NEURL4: variants seen among roughly 807,000 people sequenced by gnomAD.
The protein encoded by NEURL4 is neuralized-like protein 4.
A neutral mutation model predicts 148.0 loss-of-function variants in NEURL4; 45 were observed. The ratio of observed to expected loss-of-function variants is 0.30; its 90% CI spans 0.24 to 0.39. NEURL4 has a LOEUF of 0.39. Ranked by LOEUF, NEURL4 falls within the 10% of genes least tolerant of loss-of-function variation. The pLI, the probability that NEURL4 is intolerant of heterozygous loss-of-function variation, is 1.00. For synonymous variants in NEURL4, 854 were observed against 869.0 expected (o/e 0.98, Z 0.30); for missense variants, 1,776 against 2,144.0 (o/e 0.83, Z 3.39).
Position 7,323,740 on chromosome 17 carries a change from G to A in NEURL4, c.2262-17C>T, listed in dbSNP as rs776720686. On this transcript the variant is annotated splice_polypyrimidine_tract_variant and intron_variant, in intron 12 of 28. Coordinates refer to ENST00000399464, the MANE Select transcript of NEURL4 (RefSeq NM_032442.3). ...CGCAGGGCCCTGCCAGGAGACTGGC[G>A]ATCAGAGAGGCTCTACTTGCATGGC... The A allele has an allele frequency of 1.2e-5, 20 of 1,613,812 alleles. No individual in the cohort carries two copies. The highest frequency in any genetic ancestry group is 1.6e-5 in the Non-Finnish European group (19 of 1,179,904).
Position 7,317,861 on chromosome 17 carries a change from C to T in NEURL4, c.4132G>A (p.Glu1378Lys), listed in dbSNP as rs2072971604. 5 of 1,614,162 alleles carry T rather than the reference C, an allele frequency of 3.1e-6. No homozygotes were observed. The highest frequency in any genetic ancestry group is 1.7e-4 in the Middle Eastern group (1 of 6,060). ...GGCTCCCCTCTGCGCCTGTGGGCCT[C>T]GTCTCCTCGCAGCTTCCGGCAAGAC... Reference protein sequence around the residue: ...CESCRKLRGDEAHRRRGEPPR... With the variant: ...CESCRKLRGDKAHRRRGEPPR... The change falls in exon 26 of 29, where the codon GAG becomes AAG. Residue 1378 changes from glutamate to lysine, a missense_variant. Physicochemically the swap from Glu to Lys is moderately conservative, Grantham distance 56. Coordinates refer to ENST00000399464, the MANE Select transcript of NEURL4 (RefSeq NM_032442.3).
In NEURL4 at chr17:7,324,306, C is replaced by T; in HGVS notation, c.1900-36G>A. On this transcript the variant is annotated intron_variant, in intron 10 of 28. Coordinates refer to ENST00000399464, the MANE Select transcript of NEURL4 (RefSeq NM_032442.3). This position sits in a 1 kb window ranked among gnomAD's most constrained non-coding sequence, Gnocchi z 5.9. The stretch of plus-strand genomic sequence containing the variant: ...GGGGGTGCTGGAGTGAGGAGTCAGG[C>T]AGAGTTCCTGCCGGGGCTGGTCCTG... 3 of 1,613,300 alleles carry T rather than the reference C, an allele frequency of 1.9e-6. No homozygotes were observed. The highest frequency in any genetic ancestry group is 2.2e-5 in the East Asian group (1 of 44,850).
chr17:7,316,885 C>A (rs1296688223), intron 28 of NEURL4, among the ~76,000 whole-genome samples: 2 of 151,912 alleles, frequency 1.3e-5, no homozygotes, highest in African/African-American at 4.8e-5. Flanking sequence ...CCACTGCACT[C>A]CAGCCTGGGT....
chr17:7,324,008 C>T lies in NEURL4; in HGVS notation c.2067G>A (p.Val689=), dbSNP rs2073066940. 1 of 1,609,456 alleles carries T rather than the reference C, an allele frequency of 6.2e-7. No individual in the cohort carries two copies. Among genetic ancestry groups the T allele is most frequent in the Non-Finnish European group, 8.5e-7 (1 of 1,179,998 alleles). ...AQATIVDDVE[V]APVPEPLPEG... Reference sequence around the variant, plus strand: ...CAGGGAGTGGTTCAGGAACTGGAGCCACCTCTGTAAAAGTGGACATCACCC... The same window carrying T: ...CAGGGAGTGGTTCAGGAACTGGAGCTACCTCTGTAAAAGTGGACATCACCC... The change falls in exon 12 of 29, where the codon GTG becomes GTA. Residue 689 remains valine, a synonymous_variant. Coordinates refer to ENST00000399464, the MANE Select transcript of NEURL4 (RefSeq NM_032442.3). This position sits in a 1 kb window ranked among gnomAD's most constrained non-coding sequence, Gnocchi z 5.9.
At position 7,326,126 on chromosome 17, in the gene NEURL4, A is replaced by G. The variant is rs1177773903; in HGVS notation, c.1293+129T>C. 7.1e-6 allele frequency: 6 copies of G among 847,102 alleles called. No individual in the cohort carries two copies. The Admixed American group carries it at 1.4e-4, about 19-fold the overall frequency. 52.5% of individuals were successfully genotyped at this position (847,102 alleles called of 1,614,324 possible). On this transcript the variant is annotated intron_variant, in intron 6 of 28. Transcript: ENST00000399464. This position sits in a 1 kb window ranked among gnomAD's most constrained non-coding sequence, Gnocchi z 6.0. ...TGGGCAACTCAGGCTTCTAGGAAGGAACCTTTAGGTGGAAGATACAGGGAC... is the reference window on the plus strand; with the variant it reads ...TGGGCAACTCAGGCTTCTAGGAAGGGACCTTTAGGTGGAAGATACAGGGAC...
Position 7,323,152 on chromosome 17 carries a change from GC to G in NEURL4, c.2418-30del. 1.9e-6 allele frequency: 3 copies of G among 1,599,830 alleles called. No homozygotes were observed. In the African/African-American group the frequency reaches 4.0e-5, roughly 21 times the overall value. ...GGGGGATGGCAGAAGGGGTGAGTCA[GC>G]CTGCCAACTTCAACTTCACATTGGC... On this transcript the variant is annotated intron_variant, in intron 14 of 28. Coordinates refer to ENST00000399464, the MANE Select transcript of NEURL4 (RefSeq NM_032442.3).
Position 7,322,758 on chromosome 17 carries a change from T to C in NEURL4, c.2702A>G (p.Lys901Arg). The C allele has an allele frequency of 6.2e-7, 1 of 1,613,030 alleles. No individual in the cohort carries two copies. Among genetic ancestry groups the C allele is most frequent in the Admixed American group, 1.7e-5 (1 of 60,008 alleles). The change falls in exon 16 of 29, where the codon AAG (lysine) becomes AGG (arginine). Residue 901 changes from lysine (K) to arginine (R), a missense_variant. Coordinates refer to ENST00000399464, the MANE Select transcript of NEURL4 (RefSeq NM_032442.3). This position sits in a 1 kb window ranked among gnomAD's most constrained non-coding sequence, Gnocchi z 5.5. ...SLATSNTATEKSFPLHSPVAG... is the reference protein window; with the variant it reads ...SLATSNTATERSFPLHSPVAG... ...ACCTGGGGAGTGCAGTGGGAAGGAC[T>C]TCTCGGTGGCAGTGTTGCTGGTCGC...
At position 7,317,278 on chromosome 17, in the gene NEURL4, C is replaced by T; in HGVS notation, c.4411G>A (p.Glu1471Lys). ...GAAAGCAGCACAGGAGGGGGCTGCT[C>T]CTCCCGAGGAGGTGCACAGTTCTCG... ...PGENCAPPRE[E>K]QPPPVLLSPS... The change falls in exon 28 of 29, where the codon GAG becomes AAG. Residue 1471 changes from glutamate to lysine, a missense_variant. By Grantham distance (56) the Glu-to-Lys change is moderately conservative. Transcript: ENST00000399464. 1.3e-6 allele frequency: 2 copies of T among 1,525,456 alleles called. No individual in the cohort carries two copies. Among genetic ancestry groups the T allele is most frequent in the Admixed American group, 2.2e-5 (1 of 45,414 alleles). The allele number at this position is 1,525,456 out of a possible 1,614,324, so 94.5% of individuals were successfully genotyped here. A position where few individuals can be genotyped will look rare whatever the true frequency, so the allele number is the denominator to read the frequency against.
At position 7,318,463 on chromosome 17, in the gene NEURL4, C is replaced by T. The variant is rs762138457; in HGVS notation, c.3864+32G>A. Reference sequence around the variant, plus strand: ...GTCCTGGACAGCGCAGACTCTCAGGCACCCCTCCTCCCTGCCCCCACTGCC... The same window carrying T: ...GTCCTGGACAGCGCAGACTCTCAGGTACCCCTCCTCCCTGCCCCCACTGCC... On this transcript the variant is annotated intron_variant, in intron 23 of 28. Transcript: ENST00000399464. This position sits in a 1 kb window ranked among gnomAD's most constrained non-coding sequence, Gnocchi z 4.3. 1 of 1,601,538 alleles carries T rather than the reference C, an allele frequency of 6.2e-7. No homozygotes were observed. The highest frequency in any genetic ancestry group is 8.5e-7 in the Non-Finnish European group (1 of 1,172,168).
chr17:7,324,238 C>T lies in NEURL4; in HGVS notation c.1932G>A (p.Glu644=). The stretch of plus-strand genomic sequence containing the variant: ...TGACAAAGAAGTGGAGAGTCCCGTC[C>T]TCCCGCCGTACCACGCCCACCGTGT... The part of the protein sequence containing the change: ...AGDTVGVVRR[E]DGTLHFFVNG... Residue 644 remains glutamate (E), a synonymous_variant, in exon 11 of 29, where the codon GAG becomes GAA. Transcript: ENST00000399464. This position sits in a 1 kb window ranked among gnomAD's most constrained non-coding sequence, Gnocchi z 5.9. The T allele has an allele frequency of 1.9e-6, 3 of 1,611,796 alleles. No homozygotes were observed. The highest frequency in any genetic ancestry group is 2.5e-6 in the Non-Finnish European group (3 of 1,178,678).
In NEURL4 at chr17:7,316,092, G is replaced by C. The variant is rs902041565; in HGVS notation, c.*31C>G. 1.7e-6 allele frequency: 2 copies of C among 1,155,004 alleles called. No individual in the cohort carries two copies. The highest frequency in any genetic ancestry group is 2.6e-6 in the Non-Finnish European group (2 of 760,904). 71.5% of individuals were successfully genotyped at this position (1,155,004 alleles called of 1,614,324 possible). A position where few individuals can be genotyped will look rare whatever the true frequency, so the allele number is the denominator to read the frequency against. On this transcript the variant is annotated 3_prime_UTR_variant, in exon 29 of 29. Transcript: ENST00000399464. ...CTCAGAGTCCATGGGCCCGCGGCCCGACTGTGCTTGTAGTAGTGGTGTCTC... is the reference window on the plus strand; with the variant it reads ...CTCAGAGTCCATGGGCCCGCGGCCCCACTGTGCTTGTAGTAGTGGTGTCTC...
At position 7,327,732 on chromosome 17, in the gene NEURL4, C is replaced by T; in HGVS notation, c.435G>A (p.Glu145=). The change falls in exon 2 of 29, where the codon GAG becomes GAA. Residue 145 remains glutamate, a synonymous_variant. Transcript: ENST00000399464. The surrounding 1 kb of genome is among the most constrained non-coding windows in gnomAD (Gnocchi z 6.6). ...VLRDGRSVLE[E]YGQDLDQLGE... Reference sequence around the variant, plus strand: ...CAAGCTGGTCCAGGTCCTGACCATACTCCTCCAACACAGAGCGTCCATCTC... The same window carrying T: ...CAAGCTGGTCCAGGTCCTGACCATATTCCTCCAACACAGAGCGTCCATCTC... 1.2e-6 allele frequency: 2 copies of T among 1,614,136 alleles called. No individual in the cohort carries two copies. Among genetic ancestry groups the T allele is most frequent in the Non-Finnish European group, 1.7e-6 (2 of 1,180,038 alleles).
Position 7,323,627 on chromosome 17 carries a change from C to G in NEURL4, c.2338+20G>C, listed in dbSNP as rs765025121. Reference sequence around the variant, plus strand: ...GGCACAGACATCCAACAGCCCCCAACACACACAGACGGCCCTCACCAGCCT... The same window carrying G: ...GGCACAGACATCCAACAGCCCCCAAGACACACAGACGGCCCTCACCAGCCT... On this transcript the variant is annotated intron_variant, in intron 13 of 28. Transcript: ENST00000399464. 1.2e-6 allele frequency: 2 copies of G among 1,613,676 alleles called. No individual in the cohort carries two copies. The highest frequency in any genetic ancestry group is 1.7e-6 in the Non-Finnish European group (2 of 1,179,710).
rs768911916 is a variant in NEURL4 at position 7,326,760 on chromosome 17, T to C, written c.1043A>G (p.Asn348Ser). 1.2e-6 allele frequency: 2 copies of C among 1,613,256 alleles called. No homozygotes were observed. The highest frequency in any genetic ancestry group is 1.7e-6 in the Non-Finnish European group (2 of 1,179,796). The change falls in exon 4 of 29, where the codon AAT becomes AGT. Residue 348 changes from asparagine to serine, a missense_variant. Physicochemically the swap from Asn to Ser is conservative, Grantham distance 46 (BLOSUM62 1). Transcript: ENST00000399464. This position sits in a 1 kb window ranked among gnomAD's most constrained non-coding sequence, Gnocchi z 6.0. ...GGGGCGATTGGTCATGACAACCCCA[T>C]TGTTGAATTCATCCAGGGGCCGCCG... Reference protein sequence around the residue: ...ERRRPLDEFNNGVVMTNRPLR... With the variant: ...ERRRPLDEFNSGVVMTNRPLR...
chr17:7,326,669 C>T lies in NEURL4; in HGVS notation c.1092+42G>A. 6.2e-7 allele frequency: 1 copy of T among 1,604,408 alleles called. No individual in the cohort carries two copies. Among genetic ancestry groups the T allele is most frequent in the Non-Finnish European group, 8.5e-7 (1 of 1,174,702 alleles). ...CAAGGGTCAATCCCCATCTTTAGCT[C>T]CCAGGGATAAGGCGCCAACCAGACC... is the stretch of plus-strand genomic sequence containing the variant. On this transcript the variant is annotated intron_variant, in intron 4 of 28. Coordinates refer to ENST00000399464, the MANE Select transcript of NEURL4 (RefSeq NM_032442.3). The surrounding 1 kb of genome is among the most constrained non-coding windows in gnomAD (Gnocchi z 6.0).
rs1230492710 is a variant in NEURL4, at chr17:7,327,096, C to T, written c.793+69G>A. On this transcript the variant is annotated intron_variant, in intron 3 of 28. Transcript: ENST00000399464. This position sits in a 1 kb window ranked among gnomAD's most constrained non-coding sequence, Gnocchi z 6.6. ...CCTGGTGCCTCTCTCCCTACCCCTT[C>T]TCCTGAGGGCCCTCCCTTGTCCACC... is the stretch of plus-strand genomic sequence containing the variant. The T allele has an allele frequency of 6.2e-7, 1 of 1,600,412 alleles. No homozygotes were observed. Among genetic ancestry groups the T allele is most frequent in the East Asian group, 2.2e-5 (1 of 44,796 alleles).
chr17:7,325,376 A>G lies in NEURL4; in HGVS notation c.1464T>C (p.Ser488=), dbSNP rs1172740761. ...TGGCGTTGTTTCGGCGGAGACGGTC[A>G]CTGTGGTTGTTATTGTGGACGATGG... ...KVTIVHNNNH[S]DRLRRNNAIL... The change falls in exon 8 of 29, where the codon AGT becomes AGC. Residue 488 remains serine, a synonymous_variant. Coordinates refer to ENST00000399464, the MANE Select transcript of NEURL4 (RefSeq NM_032442.3). The G allele has an allele frequency of 2.5e-6, 4 of 1,613,356 alleles. 1 individual carries two copies. In the South Asian group the frequency reaches 3.3e-5, roughly 13 times the overall value.
rs114398730 is a variant in NEURL4 at position 7,318,845 on chromosome 17, G to A, written c.3685-171C>T. 3,163 of 915,680 alleles carry A rather than the reference G, an allele frequency of 3.5e-3. 69 individuals carry two copies. In the African/African-American group the frequency reaches 0.048, roughly 14 times the overall value. The allele number at this position is 915,680 out of a possible 1,614,324, so 56.7% of individuals were successfully genotyped here. On this transcript the variant is annotated intron_variant, in intron 22 of 28. Coordinates refer to ENST00000399464, the MANE Select transcript of NEURL4 (RefSeq NM_032442.3). The surrounding 1 kb of genome is among the most constrained non-coding windows in gnomAD (Gnocchi z 4.3). ...AGAGCCCCTCCCCTTCCCCAAAACT[G>A]GCACATTCTCAATGGCAGGGACACC...
rs775064128 is a variant in NEURL4 at position 7,318,668 on chromosome 17, C to T, written c.3691G>A (p.Glu1231Lys). The T allele has an allele frequency of 5.0e-6, 8 of 1,607,510 alleles. No homozygotes were observed. In the African/African-American group the frequency reaches 6.7e-5, roughly 13 times the overall value. The change falls in exon 23 of 29, where the codon GAG (glutamate) becomes AAG (lysine). Residue 1231 changes from glutamate to lysine, a missense_variant. Transcript: ENST00000399464. The surrounding 1 kb of genome is among the most constrained non-coding windows in gnomAD (Gnocchi z 4.3). ...GTGTCCAGATTGGGCCCAAACTTCT[C>T]GCAGATCTGGGAGGAGAGACCGGCT... is the stretch of plus-strand genomic sequence containing the variant. ...GVFHNGLKIC[E>K]KFGPNLDTCP...
Sources: gnomAD v4.1 joint callset for allele counts (sites outside exome capture counted in the v4.1 genomes callset) on GRCh38, gnomAD v4.1.1 for gene constraint, Gnocchi (gnomAD v3.1) non-coding constraint, MANE v1.5 for transcripts, NCBI Gene and HGNC (gene_info 2026-07-23, HGNC 2026-07-21) for gene names.